The following CPED1 variants were observed in gnomAD, a reference collection of about 807,000 sequenced individuals.
The protein encoded by CPED1 is cadherin like and PC-esterase domain containing 1.
Under a neutral mutation model 128.2 loss-of-function variants are expected in CPED1, and 114 were observed. The observed-to-expected ratio is 0.89, with a 90% confidence interval of 0.76 to 1.04. The LOEUF is 1.04. Ranked by LOEUF, CPED1 falls within the 50% of genes least tolerant of loss-of-function variation. The probability of loss-of-function intolerance (pLI) is 0.00; values close to 1 mark genes in which losing one functional copy is unlikely to be tolerated. For missense variants in CPED1, 1,211 were observed against 1,207.1 expected (o/e 1.00, Z -0.05); for synonymous variants, 462 against 426.7 (o/e 1.08, Z -1.02).
At chr7:121,137,650 A>T (rs1383492184) in intron 14 of CPED1, among the ~76,000 whole-genome samples, 1 of 152,102 alleles carries the variant, frequency 6.6e-6, no homozygotes, top group Non-Finnish European at 1.5e-5. Context: ...ATGGCATTTT[A>T]AATAAAGTAT....
chr7:121,259,605 CAT>C (rs1457166742), intron 18 of CPED1, among the ~76,000 whole-genome samples: 3 of 151,898 alleles, frequency 2.0e-5, no homozygotes, highest in Non-Finnish European at 2.9e-5. Context: ...GAATGGAACA[CAT>C]AGAAATTATG....
Position 120,989,549 on chromosome 7 carries a change from T to C in CPED1, c.-73T>C. The C allele has an allele frequency of 1.9e-6, 3 of 1,566,354 alleles. No individual in the cohort carries two copies. The South Asian group carries it at 3.5e-5, about 18-fold the overall frequency. ...GAAAAAGAAGACAGATTAGTATTTT[T>C]CATGCTGACAAAAAATAGCTGCTAT... On this transcript the variant is annotated 5_prime_UTR_variant, in exon 2 of 23. Coordinates refer to ENST00000310396, the MANE Select transcript of CPED1 (RefSeq NM_024913.5).
chr7:121,130,386 G>A (rs776447427), intron 12 of CPED1, 92 bp downstream of exon 12: 47 of 979,320 alleles, frequency 4.8e-5, no homozygotes, highest in Non-Finnish European at 6.6e-5. Context: ...AAAGCAAGCA[G>A]CAACAACAAA....
chr7:121,047,704 T>TCCTCCTCCTCC (rs1793245376), intron 4 of CPED1, among the ~76,000 whole-genome samples: 5 of 89,228 alleles, frequency 5.6e-5, no homozygotes, highest in African/African-American at 2.1e-4. Context: ...CTTCTTCTTC[T>TCCTCCTCCTCC]TCTTCTTCTT....
intron 17 of CPED1, among the ~76,000 whole-genome samples, chr7:121,240,765 T>TAAAA (rs71170235): frequency 8.5e-5 from 8 of 93,788 alleles, no homozygotes; most frequent in African/African-American, 1.8e-4. Flanking sequence ...CCTCTTCTGT[T>TAAAA]AAAAAAAAAA....
intron 16 of CPED1, among the ~76,000 whole-genome samples, chr7:121,209,212 T>C (rs1797590458): frequency 6.6e-6 from 1 of 152,012 alleles, no homozygotes; most frequent in Non-Finnish European, 1.5e-5. Flanking sequence ...TAATGATCCA[T>C]CATCGAATAA....
chr7:121,072,883 C>CTG (rs1196753112), intron 5 of CPED1, among the ~76,000 whole-genome samples: 5 of 152,168 alleles, frequency 3.3e-5, no homozygotes, highest in African/African-American at 1.2e-4. Flanking sequence ...TCAAGAGTAT[C>CTG]TTCAGAGTGA....
intron 16 of CPED1, among the ~76,000 whole-genome samples, chr7:121,214,152 A>G (rs1797705563): frequency 6.6e-6 from 1 of 152,080 alleles, no homozygotes; most frequent in Admixed American, 6.6e-5. Flanking sequence ...AGAATGCTAC[A>G]GAAGTGATGT....
At chr7:121,199,320 T>C (rs963656325) in intron 16 of CPED1, among the ~76,000 whole-genome samples, 2 of 152,072 alleles carry the variant, frequency 1.3e-5, no homozygotes, top group East Asian at 1.9e-4. Flanking sequence ...CCAACCATAA[T>C]AATTTAGTCA....
At chr7:121,043,624 A>T (rs1225954824) in intron 3 of CPED1, among the ~76,000 whole-genome samples, 1 of 152,108 alleles carries the variant, frequency 6.6e-6, no homozygotes, top group East Asian at 1.9e-4. Flanking sequence ...GTGTGCTGCT[A>T]CCAGAGACAG....
At chr7:121,116,506 G>A (rs931913292) in intron 7 of CPED1, among the ~76,000 whole-genome samples, 2 of 152,066 alleles carry the variant, frequency 1.3e-5, no homozygotes, top group African/African-American at 4.8e-5. Context: ...AAGGTAATTA[G>A]GCTACATAAA....
At chr7:121,056,177 C>T (rs1793495371) in intron 4 of CPED1, among the ~76,000 whole-genome samples, 1 of 151,946 alleles carries the variant, frequency 6.6e-6, no homozygotes. Context: ...TAGAAAAATA[C>T]TGAATAACTG....
intron 16 of CPED1, among the ~76,000 whole-genome samples, chr7:121,202,907 A>G (rs1030048813): frequency 6.6e-6 from 1 of 152,158 alleles, no homozygotes; most frequent in Non-Finnish European, 1.5e-5. Context: ...AGAAAGGCTT[A>G]TAGACCCAGT....
At chr7:121,147,564 C>T (rs1796053042) in intron 16 of CPED1, among the ~76,000 whole-genome samples, 1 of 152,060 alleles carries the variant, frequency 6.6e-6, no homozygotes, top group Admixed American at 6.6e-5. Flanking sequence ...TTTAATACCC[C>T]TTTCCATATC....
chr7:121,127,195 G>T lies in CPED1; in HGVS notation c.1240G>T (p.Glu414Ter). ...CACTTTCAATTTTCTCTTCCCTAATGAATCATCACTTTCCATATTTTCTGA... is the reference window on the plus strand; with the variant it reads ...CACTTTCAATTTTCTCTTCCCTAATTAATCATCACTTTCCATATTTTCTGA... ...NDTFNFLFPN[E>*]SSLSIFSEIF... Residue 414 changes from glutamate (E) to a stop codon, truncating the protein, a stop_gained, in exon 10 of 23, where the codon GAA becomes TAA. Transcript: ENST00000310396. LOFTEE classifies it high-confidence loss of function. The T allele has an allele frequency of 1.3e-6, 2 of 1,593,562 alleles. No individual in the cohort carries two copies. The highest frequency in any genetic ancestry group is 1.1e-5 in the South Asian group (1 of 90,438).
At chr7:121,135,448 T>A (rs1280242370) in intron 13 of CPED1, among the ~76,000 whole-genome samples, 2 of 152,082 alleles carry the variant, frequency 1.3e-5, no homozygotes, top group African/African-American at 4.8e-5. Flanking sequence ...GCGATTTGTC[T>A]TTTAACAAGC....
intron 7 of CPED1, among the ~76,000 whole-genome samples, chr7:121,105,387 A>T (rs1794950087): frequency 6.6e-6 from 1 of 152,114 alleles, no homozygotes; most frequent in Non-Finnish European, 1.5e-5. Context: ...TTTCAACCTT[A>T]GGAAGTGTTC....
chr7:121,114,415 T>G (rs1272121744), intron 7 of CPED1, among the ~76,000 whole-genome samples: 2 of 152,230 alleles, frequency 1.3e-5, no homozygotes, highest in African/African-American at 4.8e-5. Flanking sequence ...TTGAGTTCTA[T>G]GCCTACCTTC....
intron 16 of CPED1, among the ~76,000 whole-genome samples, chr7:121,224,855 T>A (rs9691268): frequency 6.9e-6 from 1 of 145,292 alleles, no homozygotes; most frequent in Non-Finnish European, 1.5e-5. Context: ...TTTATTTTGA[T>A]CCTATGTGTA....
Sources: gnomAD v4.1 joint callset for allele counts (sites outside exome capture counted in the v4.1 genomes callset) on GRCh38, gnomAD v4.1.1 for gene constraint, MANE v1.5 for transcripts, NCBI Gene and HGNC (gene_info 2026-07-23, HGNC 2026-07-21) for gene names.